TACC1: variants seen among roughly 807,000 people sequenced by gnomAD.
TACC1 encodes the protein transforming acidic coiled-coil containing protein 1, also known as transforming acidic coiled-coil-containing protein 1.
Under a neutral mutation model 84.4 loss-of-function variants are expected in TACC1, and 48 were observed. That is an observed-to-expected ratio of 0.57 (90% CI 0.45 to 0.72). The LOEUF is 0.72. TACC1 is among the 30% of genes least tolerant of loss of function. The pLI, the probability that TACC1 is intolerant of heterozygous loss-of-function variation, is 0.00. For missense variants in TACC1, 920 were observed against 973.0 expected (o/e 0.95, Z 0.72); for synonymous variants, 372 against 376.3 (o/e 0.99, Z 0.13).
At chr8:38,839,057 T>C (rs1017555527) in intron 8 of TACC1, among the ~76,000 whole-genome samples, 1 of 152,098 alleles carries the variant, frequency 6.6e-6, no homozygotes, top group Non-Finnish European at 1.5e-5. Flanking sequence ...CCACCATGCC[T>C]GCATAATTTT....
chr8:38,759,528 T>C (rs1333988362), intron 3 of TACC1, among the ~76,000 whole-genome samples: 3 of 152,204 alleles, frequency 2.0e-5, no homozygotes, highest in African/African-American at 4.8e-5. Context: ...CCGTATAATA[T>C]AAACATGCAT....
At position 38,852,637 on chromosome 8, in the gene TACC1, C is replaced by A. The variant is rs1045428127; in HGVS notation, c.*4614C>A. 1 of 152,636 alleles carries A rather than the reference C, an allele frequency of 6.6e-6. No individual in the cohort carries two copies. The highest frequency in any genetic ancestry group is 2.4e-5 in the African/African-American group (1 of 41,428). The allele number at this position is 152,636 out of a possible 1,614,324, so 9.5% of individuals were successfully genotyped here. A position where few individuals can be genotyped will look rare whatever the true frequency, so the allele number is the denominator to read the frequency against. On this transcript the variant is annotated 3_prime_UTR_variant, in exon 13 of 13. Transcript: ENST00000317827. Reference sequence around the variant, plus strand: ...CTCAGCCTCGGTCCTTCTCAGCCGTCGGGATAGGATCCAGGCATTTCTTTT... The same window carrying A: ...CTCAGCCTCGGTCCTTCTCAGCCGTAGGGATAGGATCCAGGCATTTCTTTT...
chr8:38,803,719 G>GT (rs1010497162), intron 2 of TACC1, among the ~76,000 whole-genome samples: 7 of 151,652 alleles, frequency 4.6e-5, no homozygotes, highest in Non-Finnish European at 7.4e-5. Context: ...CTGGTCTGTA[G>GT]TTTTTTTTTC....
intron 2 of TACC1, among the ~76,000 whole-genome samples, chr8:38,791,416 T>C (rs1214496904): frequency 6.6e-6 from 1 of 152,206 alleles, no homozygotes; most frequent in Non-Finnish European, 1.5e-5. Flanking sequence ...CTTTAAACAA[T>C]AGGATGATTG....
At position 38,843,277 on chromosome 8, in the gene TACC1, G is replaced by C. The variant is rs758877822; in HGVS notation, c.2122-12G>C. The C allele has an allele frequency of 1.9e-6, 3 of 1,543,966 alleles. No homozygotes were observed. The highest frequency in any genetic ancestry group is 2.6e-6 in the Non-Finnish European group (3 of 1,146,094). ...AATGACCTGTTTATTTTCAATTTTT[G>C]CTTTGGAACAGAATGAAGAAGCCTT... On this transcript the variant is annotated splice_polypyrimidine_tract_variant and intron_variant, in intron 10 of 12. Transcript: ENST00000317827.
chr8:38,819,529 A>T lies in TACC1; in HGVS notation c.285A>T (p.Gln95His). The change falls in exon 3 of 13, where the codon CAA becomes CAT. Residue 95 changes from glutamine (Q) to histidine (H), a missense_variant. Around this residue, in one of 2 missense-constraint regions of TACC1, gnomAD observed 762 missense variants for 747.3 expected, o/e 1.02. Coordinates refer to ENST00000317827, the MANE Select transcript of TACC1 (RefSeq NM_006283.3). ...AGPGAKSQESQEADEQLVAEV... is the reference protein window; with the variant it reads ...AGPGAKSQESHEADEQLVAEV... Reference sequence around the variant, plus strand: ...TTTTGTGTTTCATTTTAGAATCACAAGAAGCTGATGAACAGCTTGTAGCAG... The same window carrying T: ...TTTTGTGTTTCATTTTAGAATCACATGAAGCTGATGAACAGCTTGTAGCAG... 1 of 1,601,220 alleles carries T rather than the reference A, an allele frequency of 6.2e-7. No individual in the cohort carries two copies. The highest frequency in any genetic ancestry group is 8.5e-7 in the Non-Finnish European group (1 of 1,171,818).
chr8:38,797,639 C>T (rs550144605), intron 2 of TACC1, among the ~76,000 whole-genome samples: 1 of 152,360 alleles, frequency 6.6e-6, no homozygotes, highest in African/African-American at 2.4e-5. Context: ...CCAGCATCAG[C>T]TTCTCAGCTC....
intron 3 of TACC1, among the ~76,000 whole-genome samples, chr8:38,778,929 G>A (rs41345749): frequency 6.7e-6 from 1 of 149,882 alleles, no homozygotes; most frequent in Admixed American, 6.6e-5. Flanking sequence ...CCAATTTTTT[G>A]TGCCTTTGAG....
chr8:38,782,315 C>T (rs1039200986), upstream of TACC1, among the ~76,000 whole-genome samples: 3 of 152,056 alleles, frequency 2.0e-5, no homozygotes, highest in Non-Finnish European at 2.9e-5. Flanking sequence ...ATGATGATTT[C>T]CAATTTCATC....
At position 38,806,613 on chromosome 8, in the gene TACC1, T is replaced by C. The variant is rs181189245; in HGVS notation, c.278-12909T>C. ...GAAATGGAAGCAGAGGAGAAGTGGG[T>C]AGAAGGGGACTTGGTTTTGGGTAAG... is the stretch of plus-strand genomic sequence containing the variant. On this transcript the variant is annotated intron_variant, in intron 2 of 12. Transcript: ENST00000317827. Among the ~76,000 whole-genome samples, 51 of 152,004 alleles carry C rather than the reference T, an allele frequency of 3.4e-4. No homozygotes were observed. In the East Asian group the frequency reaches 9.9e-3, roughly 29 times the overall value.
intron 1 of TACC1, chr8:38,728,693 G>C (rs1182512638): frequency 6.6e-6 from 1 of 152,304 alleles, no homozygotes; most frequent in East Asian, 1.9e-4. Flanking sequence ...GGGACTGCAC[G>C]TTCCTGAGGC....
intron 9 of TACC1, among the ~76,000 whole-genome samples, chr8:38,842,086 C>T (rs774970952): frequency 5.3e-5 from 8 of 152,060 alleles, no homozygotes; most frequent in Non-Finnish European, 1.0e-4. Flanking sequence ...GCCCCCTCCC[C>T]GCCCCCATTC....
chr8:38,818,069 ATAAAT>A (rs1050057070), intron 2 of TACC1, among the ~76,000 whole-genome samples: 9 of 152,088 alleles, frequency 5.9e-5, no homozygotes, highest in Non-Finnish European at 1.2e-4. Flanking sequence ...TACATAAAAA[ATAAAT>A]TAAAATAAAA....
chr8:38,734,296 G>A (rs562345397), intron 1 of TACC1, among the ~76,000 whole-genome samples: 7 of 152,234 alleles, frequency 4.6e-5, no homozygotes, highest in Admixed American at 1.3e-4. Context: ...AGGTTCAAGC[G>A]ATTCTCCTGC....
In TACC1 at chr8:38,848,214, C is replaced by T. The variant is rs1832665163; in HGVS notation, c.*191C>T. Reference sequence around the variant, plus strand: ...CCCTGGAAGAAACCCTAGAGGGTTGCATAGTCTAGAAAGGAGTGTGACCTG... The same window carrying T: ...CCCTGGAAGAAACCCTAGAGGGTTGTATAGTCTAGAAAGGAGTGTGACCTG... On this transcript the variant is annotated 3_prime_UTR_variant, in exon 13 of 13. Transcript: ENST00000317827. 3 of 545,296 alleles carry T rather than the reference C, an allele frequency of 5.5e-6. No homozygotes were observed. The highest frequency in any genetic ancestry group is 9.7e-6 in the Non-Finnish European group (3 of 310,048). The allele number at this position is 545,296 out of a possible 1,614,324, so 33.8% of individuals were successfully genotyped here.
intron 2 of TACC1, among the ~76,000 whole-genome samples, chr8:38,742,895 A>G (rs575603962): frequency 8.5e-4 from 130 of 152,166 alleles, no homozygotes; most frequent in Non-Finnish European, 1.4e-3. Flanking sequence ...TTGTATTTTT[A>G]CTAGAGACAG....
At chr8:38,844,251 C>T (rs1831801616) in intron 11 of TACC1, among the ~76,000 whole-genome samples, 1 of 152,088 alleles carries the variant, frequency 6.6e-6, no homozygotes, top group Non-Finnish European at 1.5e-5. Context: ...AGGCTCACTG[C>T]AACCTCAGTC....
Position 38,840,243 on chromosome 8 carries a change from G to T in TACC1, c.1936G>T (p.Glu646Ter). 6.2e-7 allele frequency: 1 copy of T among 1,611,584 alleles called. No individual in the cohort carries two copies. Among genetic ancestry groups the T allele is most frequent in the South Asian group, 1.1e-5 (1 of 90,690 alleles). ...LEMRKIVAEY[E>*]KTIAQMIEDE... Reference sequence around the variant, plus strand: ...ATTTAGGAAAATTGTAGCTGAATATGAAAAGACTATTGCTCAAATGATTGG... The same window carrying T: ...ATTTAGGAAAATTGTAGCTGAATATTAAAAGACTATTGCTCAAATGATTGG... Residue 646 changes from glutamate (E) to a stop codon, truncating the protein, a stop_gained, in exon 9 of 13, where the codon GAA (glutamate) becomes TAA (stop). Coordinates refer to ENST00000317827, the MANE Select transcript of TACC1 (RefSeq NM_006283.3). LOFTEE classifies it high-confidence loss of function.
intron 2 of TACC1, among the ~76,000 whole-genome samples, chr8:38,801,271 G>T (rs1042880049): frequency 6.6e-6 from 1 of 152,132 alleles, no homozygotes; most frequent in African/African-American, 2.4e-5. Context: ...ATGCCTTGAT[G>T]TCATGTATAA....
Sources: allele counts gnomAD v4.1 joint callset (sites outside exome capture counted in the v4.1 genomes callset), GRCh38; gene constraint gnomAD v4.1.1; regional missense constraint gnomAD v4.1.1; transcripts MANE v1.5; gene names NCBI Gene and HGNC (gene_info 2026-07-23, HGNC 2026-07-21).